Variants in LTBP1 observed in about 807,000 individuals in gnomAD.
LTBP1 encodes latent transforming growth factor beta binding protein 1, also known as latent-transforming growth factor beta-binding protein 1.
A neutral mutation model predicts 207.6 loss-of-function variants in LTBP1; 129 were observed. That is an observed-to-expected ratio of 0.62 (90% confidence interval 0.54 to 0.72). The LOEUF is 0.72. LTBP1 is among the 30% of genes least tolerant of loss of function. The pLI is 0.00. For missense variants in LTBP1, 2,281 were observed against 2,217.2 expected (o/e 1.03, Z -0.58); for synonymous variants, 963 against 833.7 (o/e 1.16, Z -2.67).
At chr2:33,193,376 A>G (rs1369863721) in intron 7 of LTBP1, among the ~76,000 whole-genome samples, 2 of 152,272 alleles carry the variant, frequency 1.3e-5, no homozygotes, top group African/African-American at 4.8e-5. Context: ...TCCTGACCTC[A>G]GGTGATCCAC....
In LTBP1 at chr2:33,262,752, A is replaced by C; in HGVS notation, c.2449A>C (p.Lys817Gln). The C allele has an allele frequency of 6.2e-7, 1 of 1,604,972 alleles. No homozygotes were observed. Among genetic ancestry groups the C allele is most frequent in the Non-Finnish European group, 8.5e-7 (1 of 1,174,508 alleles). Residue 817 changes from lysine (K) to glutamine (Q), a missense_variant, in exon 14 of 34, where the codon AAA becomes CAA. This residue lies in a region of LTBP1 where 1,671 missense variants were observed against 1,634.8 expected (regional missense o/e 1.02). Coordinates refer to ENST00000404816, the MANE Select transcript of LTBP1 (RefSeq NM_206943.4). ...ACCTTCATTGGATCAAGAGAAAACC[A>C]AACTTGAGCCTGGTCAACCCCAGCT... The part of the protein sequence containing the change: ...EIPSLDQEKT[K>Q]LEPGQPQLSP...
chr2:33,065,110 C>T (rs1367407884), intron 3 of LTBP1, among the ~76,000 whole-genome samples: 3 of 152,154 alleles, frequency 2.0e-5, no homozygotes, highest in African/African-American at 4.8e-5. Flanking sequence ...TTCCTTTTAT[C>T]ATGAAGGCTT....
intron 20 of LTBP1, among the ~76,000 whole-genome samples, chr2:33,300,165 C>G (rs1348102113): frequency 6.6e-6 from 1 of 152,116 alleles, no homozygotes; most frequent in Non-Finnish European, 1.5e-5. Flanking sequence ...CTGTTTGCAG[C>G]TCTAAAATAT....
chr2:33,336,414 A>T (rs912905833), intron 24 of LTBP1, among the ~76,000 whole-genome samples: 1 of 152,182 alleles, frequency 6.6e-6, no homozygotes, highest in Non-Finnish European at 1.5e-5. Context: ...CCGCTAACTG[A>T]CTATGTAACC....
At chr2:32,973,642 A>G (rs933448953) in intron 2 of LTBP1, among the ~76,000 whole-genome samples, 1 of 152,182 alleles carries the variant, frequency 6.6e-6, no homozygotes, top group Non-Finnish European at 1.5e-5. Context: ...TCAGGTTATC[A>G]TAGACCAAAA....
chr2:33,302,538 T>C (rs1243417252), intron 22 of LTBP1, among the ~76,000 whole-genome samples: 1 of 152,168 alleles, frequency 6.6e-6, no homozygotes, highest in Admixed American at 6.5e-5. Flanking sequence ...TTACAGCATC[T>C]ACATTTCTGA....
intron 19 of LTBP1, among the ~76,000 whole-genome samples, chr2:33,289,649 AG>A (rs1486164639): frequency 6.6e-6 from 1 of 152,184 alleles, no homozygotes; most frequent in East Asian, 1.9e-4. Flanking sequence ...TATAGACAAG[AG>A]CCACCACACC....
intron 22 of LTBP1, among the ~76,000 whole-genome samples, chr2:33,305,222 G>A (rs1302368866): frequency 2.6e-5 from 4 of 152,310 alleles, no homozygotes; most frequent in Admixed American, 2.6e-4. Flanking sequence ...TACTCAGGAG[G>A]CTGAGGCAGA....
At chr2:33,360,128 C>G (rs1241334702) in intron 26 of LTBP1, among the ~76,000 whole-genome samples, 1 of 152,162 alleles carries the variant, frequency 6.6e-6, no homozygotes, top group African/African-American at 2.4e-5. Flanking sequence ...TCCTAGTTAT[C>G]TTCTGTGCAG....
chr2:33,237,237 A>G (rs1250375595), intron 9 of LTBP1, among the ~76,000 whole-genome samples: 1 of 152,192 alleles, frequency 6.6e-6, no homozygotes, highest in Admixed American at 6.6e-5. Context: ...ACCAAGTTAA[A>G]CACAGAAAAA....
At chr2:33,245,574 A>G (rs2092483312) in intron 10 of LTBP1, among the ~76,000 whole-genome samples, 1 of 152,222 alleles carries the variant, frequency 6.6e-6, no homozygotes, top group Non-Finnish European at 1.5e-5. Flanking sequence ...AGGCTTTCCT[A>G]ACGGGTGGTA....
At chr2:33,168,874 G>A (rs1002328821) in intron 5 of LTBP1, among the ~76,000 whole-genome samples, 6 of 152,214 alleles carry the variant, frequency 3.9e-5, no homozygotes, top group Admixed American at 3.3e-4. Context: ...ATCCAGTCTC[G>A]CCTACCTATA....
At chr2:33,082,279 C>G (rs1041856640) in intron 3 of LTBP1, among the ~76,000 whole-genome samples, 22 of 152,076 alleles carry the variant, frequency 1.4e-4, no homozygotes, top group Admixed American at 1.3e-4. Context: ...TCTTGGACTT[C>G]TCAGCCTCCA....
intron 31 of LTBP1, among the ~76,000 whole-genome samples, chr2:33,371,827 T>C (rs916982249): frequency 5.6e-4 from 85 of 152,182 alleles, no homozygotes; most frequent in African/African-American, 1.6e-3. Context: ...TCCGAAATAT[T>C]AAGGGGAAAA....
At chr2:33,209,720 G>A (rs1403428088) in intron 7 of LTBP1, among the ~76,000 whole-genome samples, 3 of 152,110 alleles carry the variant, frequency 2.0e-5, no homozygotes, top group Non-Finnish European at 4.4e-5. Flanking sequence ...CTGAATCTGG[G>A]ATATTGTATA....
chr2:33,136,682 G>A (rs919532291), intron 5 of LTBP1, among the ~76,000 whole-genome samples: 1 of 152,032 alleles, frequency 6.6e-6, no homozygotes, highest in African/African-American at 2.4e-5. Context: ...AATCAAATGG[G>A]TGGTAATTTT....
At chr2:33,128,305 G>A (rs938235179) in intron 4 of LTBP1, among the ~76,000 whole-genome samples, 2 of 152,210 alleles carry the variant, frequency 1.3e-5, no homozygotes, top group South Asian at 4.1e-4. Context: ...GAAAATTTGA[G>A]TCATGTGAAG....
intron 9 of LTBP1, among the ~76,000 whole-genome samples, chr2:33,238,807 G>GGT (rs1248560147): frequency 6.6e-6 from 1 of 152,146 alleles, no homozygotes; most frequent in African/African-American, 2.4e-5. Flanking sequence ...AGTGAGATAC[G>GGT]GTGTGCTATA....
intron 4 of LTBP1, among the ~76,000 whole-genome samples, chr2:33,115,119 C>T (rs368438734): frequency 4.9e-5 from 4 of 81,162 alleles, no homozygotes; most frequent in East Asian, 2.9e-4. Flanking sequence ...CACACACACA[C>T]ATATATATAC....
Sources: allele counts gnomAD v4.1 joint callset (sites outside exome capture counted in the v4.1 genomes callset), GRCh38; gene constraint gnomAD v4.1.1; regional missense constraint gnomAD v4.1.1; transcripts MANE v1.5; gene names NCBI Gene and HGNC (gene_info 2026-07-23, HGNC 2026-07-21).